DEPDC5: variants seen among roughly 807,000 people sequenced by gnomAD.
DEPDC5 encodes the protein GATOR1 complex protein DEPDC5.
In DEPDC5, 73 loss-of-function variants were observed where a neutral mutation model predicts 217.3. That is an observed-to-expected ratio of 0.34 (90% CI 0.28 to 0.41). The LOEUF is 0.41. Ranked by LOEUF, DEPDC5 falls within the 10% of genes least tolerant of loss-of-function variation. DEPDC5 has a pLI of 1.00. For missense variants in DEPDC5, 1,675 were observed against 2,070.1 expected, an observed-to-expected ratio of 0.81 and a Z score of 3.70; for synonymous variants, 733 against 756.7, an observed-to-expected ratio of 0.97 and a Z score of 0.51.
chr22:31,786,938 C>T lies in DEPDC5; in HGVS notation c.624+2063C>T, dbSNP rs149141862. 9.7e-3 allele frequency among the ~76,000 whole-genome samples: 1,481 copies of T among 152,050 alleles called. 22 individuals carry two copies. The highest frequency in any genetic ancestry group is 0.034 in the African/African-American group (1,422 of 41,466). ...GGATTACAGGTGCCCGCTACCATGC[C>T]CAGCTAATTTTTTGTATTTTTACTA... On this transcript the variant is annotated intron_variant, in intron 10 of 42. Coordinates refer to ENST00000651528, the MANE Select transcript of DEPDC5 (RefSeq NM_001242896.3).
chr22:31,770,677 C>T (rs1260871625), intron 7 of DEPDC5, among the ~76,000 whole-genome samples: 2 of 151,100 alleles, frequency 1.3e-5, no homozygotes, highest in Non-Finnish European at 2.9e-5. Context: ...CAGGTGTGAG[C>T]TACCTCACCC....
rs781691674 is a variant in DEPDC5 at position 31,821,569 on chromosome 22, C to T, written c.1938C>T (p.Ser646=). ...AGAATATGGCGGAGCTACAAGGCAG[C>T]GGGCAGAGGGATCCAACTCACTCCT... ...TRQNMAELQG[S]GQRDPTHSSA... is the part of the protein sequence containing the mutation. Residue 646 remains serine (S), a synonymous_variant, in exon 23 of 43, where the codon AGC becomes AGT. Transcript: ENST00000651528. 1.5e-5 allele frequency: 25 copies of T among 1,614,174 alleles called. No individual in the cohort carries two copies. The highest frequency in any genetic ancestry group is 7.7e-5 in the South Asian group (7 of 91,078).
intron 38 of DEPDC5, among the ~76,000 whole-genome samples, chr22:31,883,211 G>T (rs192047019): frequency 1.3e-5 from 2 of 152,134 alleles, no homozygotes; most frequent in Non-Finnish European, 2.9e-5. Context: ...GCTGAGAACC[G>T]CTGTCCTAGG....
chr22:31,815,087 A>G lies in DEPDC5; in HGVS notation c.1541A>G (p.Glu514Gly). 1 of 1,614,190 alleles carries G rather than the reference A, an allele frequency of 6.2e-7. No homozygotes were observed. The highest frequency in any genetic ancestry group is 8.5e-7 in the Non-Finnish European group (1 of 1,180,030). The change falls in exon 21 of 43, where the codon GAG becomes GGG. Residue 514 changes from glutamate to glycine, a missense_variant. Glu to Gly is a moderately conservative substitution (Grantham distance 98). This residue lies in a region of DEPDC5 where 628 missense variants were observed against 762.1 expected (regional missense o/e 0.82). Transcript: ENST00000651528. ...CTACCAAGCCGCACACTGCCCACTG[A>G]GGAAGTGAGGAGCCAGGCTTCTGAC... ...PSLPSRTLPT[E>G]EVRSQASDDS...
At chr22:31,905,857 A>G (rs2093748579) in intron 41 of DEPDC5, 127 bp from the exon 42 acceptor site, 2 of 820,656 alleles carry the variant, frequency 2.4e-6, no homozygotes, top group Non-Finnish European at 3.8e-6. Flanking sequence ...TGCATGTGCA[A>G]TCTGGAAAGA....
At chr22:31,821,367 C>CCCTTGTATAATATT in intron 22 of DEPDC5, 135 bp from the exon 23 acceptor site, 3 of 1,269,848 alleles carry the variant, frequency 2.4e-6, no homozygotes, top group South Asian at 2.8e-5. Context: ...TTGGGAGCCA[C>CCCTTGTATAATATT]CCTCTGTGGT....
At chr22:31,822,935 C>T in intron 24 of DEPDC5, 145 bp downstream of exon 24, 1 of 730,994 alleles carries the variant, frequency 1.4e-6, no homozygotes, top group South Asian at 1.8e-5. Flanking sequence ...AAACAGTGCT[C>T]TATAATGCAT....
intron 18 of DEPDC5, among the ~76,000 whole-genome samples, chr22:31,808,836 A>G (rs2087887479): frequency 6.6e-6 from 1 of 152,210 alleles, no homozygotes; most frequent in Non-Finnish European, 1.5e-5. Flanking sequence ...AAGTGCTGGG[A>G]TTACAGGCAT....
chr22:31,760,982 G>GT lies in DEPDC5; in HGVS notation c.193+295dup, dbSNP rs201553511. On this transcript the variant is annotated intron_variant, in intron 4 of 42. Transcript: ENST00000651528. ...AATGTTGTATCTGTGTCTTAACATTGTTTTTTTTTTTTTTTCTGAGACAGT... is the reference window on the plus strand; with the variant it reads ...AATGTTGTATCTGTGTCTTAACATTGTTTTTTTTTTTTTTTTCTGAGACAGT... 4.3e-3 allele frequency among the ~76,000 whole-genome samples: 591 copies of GT among 139,030 alleles called. 1 individual carries two copies. The highest frequency in any genetic ancestry group is 7.4e-3 in the South Asian group (32 of 4,308). 91.2% of individuals were successfully genotyped at this position (139,030 alleles called of 152,430 possible).
chr22:31,834,775 C>T (rs938264568), intron 25 of DEPDC5, among the ~76,000 whole-genome samples: 3 of 152,116 alleles, frequency 2.0e-5, no homozygotes, highest in Admixed American at 6.6e-5. Flanking sequence ...GTGATCCGCC[C>T]GCCTTGGCCT....
intron 13 of DEPDC5, 34 bp downstream of exon 13, chr22:31,797,737 G>A: frequency 1.3e-6 from 2 of 1,525,750 alleles, no homozygotes; most frequent in Non-Finnish European, 1.8e-6. Flanking sequence ...GTGCGGCGGG[G>A]AAAGGAAGTG....
chr22:31,892,873 ATTT>A (rs948740613), intron 38 of DEPDC5, among the ~76,000 whole-genome samples: 15,337 of 119,606 alleles, frequency 0.13, 621 homozygotes, highest in Admixed American at 0.16. Flanking sequence ...TTGGTGGTGT[ATTT>A]TTTTTTTTTT....
At chr22:31,903,240 AC>A (rs1288772098) in intron 41 of DEPDC5, among the ~76,000 whole-genome samples, 1 of 15,250 alleles carries the variant, frequency 6.6e-5, no homozygotes, top group Non-Finnish European at 1.1e-4. Flanking sequence ...TCCACACCTA[AC>A]CCCCCTCCAC....
Position 31,810,594 on chromosome 22 carries a change from G to T in DEPDC5, c.1398G>T (p.Val466=). ...QVDYDAYDAQ[V]FRLPGPSRAQ... ...ATTATGACGCCTATGACGCTCAAGT[G>T]TTCAGGCTGCCCGGCCCATCCCGGG... is the stretch of plus-strand genomic sequence containing the variant. The change falls in exon 20 of 43, where the codon GTG becomes GTT. Residue 466 remains valine (V), a synonymous_variant. Transcript: ENST00000651528. 1 of 1,614,192 alleles carries T rather than the reference G, an allele frequency of 6.2e-7. No individual in the cohort carries two copies. Among genetic ancestry groups the T allele is most frequent in the South Asian group, 1.1e-5 (1 of 91,082 alleles).
chr22:31,907,466 C>T lies in DEPDC5; in HGVS notation c.*969C>T, dbSNP rs2093773345. On this transcript the variant is annotated 3_prime_UTR_variant, in exon 43 of 43. Transcript: ENST00000651528. The stretch of plus-strand genomic sequence containing the variant: ...GCAATGGTGTGATCTCAGCTCACTA[C>T]AACCTCTGCCTCCTGGGTTCAAGCG... 1 of 152,134 alleles carries T rather than the reference C, an allele frequency of 6.6e-6. No individual in the cohort carries two copies. Among genetic ancestry groups the T allele is most frequent in the Non-Finnish European group, 1.5e-5 (1 of 68,058 alleles). 9.4% of individuals were successfully genotyped at this position (152,134 alleles called of 1,614,324 possible).
chr22:31,804,671 T>A (rs1377618377), intron 16 of DEPDC5, among the ~76,000 whole-genome samples, 171 bp from the exon 17 acceptor site: 1 of 152,188 alleles, frequency 6.6e-6, no homozygotes, highest in Non-Finnish European at 1.5e-5. Context: ...AACACCTGAT[T>A]GCAGGTGGTC....
chr22:31,785,647 A>T (rs2084909147), intron 10 of DEPDC5, among the ~76,000 whole-genome samples: 1 of 151,954 alleles, frequency 6.6e-6, no homozygotes, highest in Non-Finnish European at 1.5e-5. Context: ...CTGAATAGCT[A>T]AAACAATCTT....
intron 26 of DEPDC5, chr22:31,837,377 G>A: frequency 1.8e-6 from 1 of 569,456 alleles, no homozygotes; most frequent in Non-Finnish European, 3.0e-6. Context: ...CTGAGAGAGG[G>A]TCTCACTCTG....
At chr22:31,892,928 T>C (rs1048182726) in intron 38 of DEPDC5, among the ~76,000 whole-genome samples, 1 of 144,854 alleles carries the variant, frequency 6.9e-6, no homozygotes, top group Non-Finnish European at 1.5e-5. Flanking sequence ...CAGACTGGAG[T>C]GCAATGGCGC....
Sources: gnomAD v4.1 joint callset for allele counts (sites outside exome capture counted in the v4.1 genomes callset) on GRCh38, gnomAD v4.1.1 for gene constraint, gnomAD v4.1.1 regional missense constraint, MANE v1.5 for transcripts, NCBI Gene and HGNC (gene_info 2026-07-23, HGNC 2026-07-21) for gene names.